VPS13B: variants seen among roughly 807,000 people sequenced by gnomAD.
VPS13B encodes the protein intermembrane lipid transfer protein VPS13B.
VPS13B carries 285 observed loss-of-function variants against 426.4 expected under a neutral mutation model. The ratio of observed to expected loss-of-function variants is 0.67; its 90% confidence interval spans 0.61 to 0.74. VPS13B has a LOEUF of 0.74. Among genes scored for constraint, VPS13B ranks in the 30% least tolerant of loss-of-function variants. VPS13B has a pLI of 0.00. For synonymous variants in VPS13B, 1,676 were observed against 1,676.4 expected (o/e 1.00, Z 0.01); for missense variants, 4,537 against 4,782.6 (o/e 0.95, Z 1.51).
At chr8:99,469,093 A>G (rs1331553268) in intron 24 of VPS13B, among the ~76,000 whole-genome samples, 3 of 152,080 alleles carry the variant, frequency 2.0e-5, no homozygotes, top group Non-Finnish European at 2.9e-5. Flanking sequence ...CAGCTTTATT[A>G]AAAGAACACT....
At chr8:99,734,243 T>C (rs779098202) in intron 39 of VPS13B, among the ~76,000 whole-genome samples, 15 of 152,216 alleles carry the variant, frequency 9.9e-5, no homozygotes, top group Admixed American at 2.0e-4. Context: ...TATATGGATA[T>C]ACCACATTTT....
chr8:99,391,500 C>A, intron 20 of VPS13B, 57 bp from the exon 21 acceptor site: 2 of 1,612,818 alleles, frequency 1.2e-6, no homozygotes, highest in Non-Finnish European at 1.7e-6. Context: ...ACCTTTGCTG[C>A]TTAAGAAATA....
At chr8:99,061,002 G>GTA (rs1844153578) in intron 3 of VPS13B, among the ~76,000 whole-genome samples, 1 of 152,152 alleles carries the variant, frequency 6.6e-6, no homozygotes, top group African/African-American at 2.4e-5. Flanking sequence ...AACCTTAATT[G>GTA]TAGTGTTCAG....
chr8:99,332,191 T>TA (rs1810579554), intron 19 of VPS13B, among the ~76,000 whole-genome samples: 1 of 151,686 alleles, frequency 6.6e-6, no homozygotes, highest in Admixed American at 6.6e-5. Context: ...GAACTCAGTG[T>TA]AAAGACTCAT....
At chr8:99,130,861 A>G (rs1203312507) in intron 8 of VPS13B, among the ~76,000 whole-genome samples, 1 of 152,212 alleles carries the variant, frequency 6.6e-6, no homozygotes, top group Admixed American at 6.5e-5. Context: ...AGGAGTCTAC[A>G]TTACATAAAA....
intron 33 of VPS13B, among the ~76,000 whole-genome samples, chr8:99,638,235 G>T (rs1212407516): frequency 1.3e-5 from 2 of 152,042 alleles, no homozygotes; most frequent in Admixed American, 6.6e-5. Context: ...AAACTAACAT[G>T]ATGTTTCCTC....
At chr8:99,113,893 G>C (rs1480537576) in intron 6 of VPS13B, among the ~76,000 whole-genome samples, 1 of 151,900 alleles carries the variant, frequency 6.6e-6, no homozygotes, top group African/African-American at 2.4e-5. Context: ...TTTCATGTAT[G>C]TTTATTTTGA....
intron 43 of VPS13B, among the ~76,000 whole-genome samples, chr8:99,798,322 A>G (rs1230892314): frequency 1.3e-5 from 2 of 152,012 alleles, no homozygotes; most frequent in Admixed American, 1.3e-4. Flanking sequence ...AGTAGAAGTA[A>G]ATGGGGTCCT....
chr8:99,810,876 C>T (rs1399842866), intron 44 of VPS13B, among the ~76,000 whole-genome samples: 5 of 152,022 alleles, frequency 3.3e-5, no homozygotes, highest in African/African-American at 7.3e-5. Flanking sequence ...ATAGCATAAA[C>T]GAAGAGACAA....
At chr8:99,773,406 A>G (rs1008320411) in intron 40 of VPS13B, among the ~76,000 whole-genome samples, 3 of 152,176 alleles carry the variant, frequency 2.0e-5, no homozygotes, top group Admixed American at 6.5e-5. Context: ...TAGAGAAGTG[A>G]CATTCAGAGC....
rs375237501 is a variant in VPS13B, at chr8:99,480,433, G to A, written c.3667-1166G>A. 1.3e-4 allele frequency among the ~76,000 whole-genome samples: 20 copies of A among 152,116 alleles called. No individual in the cohort carries two copies. The East Asian group carries it at 3.1e-3, about 24-fold the overall frequency. ...GAACCTGTTTTGGCTTTTTGTTATT[G>A]TTGTTTGCACTCTCTTTATTTATCA... On this transcript the variant is annotated intron_variant, in intron 24 of 61. Coordinates refer to ENST00000357162, the MANE Select transcript of VPS13B (RefSeq NM_152564.5).
intron 34 of VPS13B, among the ~76,000 whole-genome samples, chr8:99,643,290 A>G (rs1245420374): frequency 2.0e-5 from 3 of 152,198 alleles, no homozygotes; most frequent in Admixed American, 1.3e-4. Flanking sequence ...GGGCTCTAGC[A>G]AGCTCAGGAA....
chr8:99,624,324 C>T (rs1291360996), intron 33 of VPS13B, among the ~76,000 whole-genome samples: 1 of 152,064 alleles, frequency 6.6e-6, no homozygotes, highest in Non-Finnish European at 1.5e-5. Context: ...GTTTTTAGCA[C>T]TGGATTGTTT....
intron 33 of VPS13B, among the ~76,000 whole-genome samples, chr8:99,602,973 C>G (rs940032610): frequency 6.6e-6 from 1 of 152,092 alleles, no homozygotes; most frequent in African/African-American, 2.4e-5. Flanking sequence ...TTTATAGATT[C>G]AATGCTATCC....
chr8:99,640,784 T>C (rs1829328293), intron 33 of VPS13B, among the ~76,000 whole-genome samples: 1 of 152,178 alleles, frequency 6.6e-6, no homozygotes, highest in African/African-American at 2.4e-5. Context: ...ATGGTATCAT[T>C]ACAACCATAA....
chr8:99,038,686 T>G (rs1351599013), intron 3 of VPS13B, 120 bp downstream of exon 3: 1 of 769,660 alleles, frequency 1.3e-6, no homozygotes, highest in Non-Finnish European at 1.9e-6. Flanking sequence ...ATACTTTTTT[T>G]TTTTTTTTTT....
At position 99,717,173 on chromosome 8, in the gene VPS13B, A is replaced by G. The variant is rs771918634; in HGVS notation, c.6457A>G (p.Ile2153Val). The G allele has an allele frequency of 1.2e-6, 2 of 1,612,522 alleles. No homozygotes were observed. Among genetic ancestry groups the G allele is most frequent in the Non-Finnish European group, 8.5e-7 (1 of 1,178,952 alleles). ...ACTCTTCTGTATTTTTTTTTCAGGCATAATTCTTGGGTCATCATTTCTACT... is the reference window on the plus strand; with the variant it reads ...ACTCTTCTGTATTTTTTTTTCAGGCGTAATTCTTGGGTCATCATTTCTACT... ...SVKATQKVPGIILGSSFLLSI... is the reference protein window; with the variant it reads ...SVKATQKVPGVILGSSFLLSI... Residue 2153 changes from isoleucine (I) to valine (V), a missense_variant and splice_region_variant, in exon 37 of 62, where the codon ATA becomes GTA. This residue lies in a region of VPS13B where 4,311 missense variants were observed against 4,474.3 expected (regional missense o/e 0.96). Transcript: ENST00000357162.
Position 99,088,170 on chromosome 8 carries a change from T to G in VPS13B, c.292-8142T>G, listed in dbSNP as rs376962019. Among the ~76,000 whole-genome samples, 16 of 139,118 alleles carry G rather than the reference T, an allele frequency of 1.2e-4. No individual in the cohort carries two copies. The East Asian group carries it at 2.7e-3, about 23-fold the overall frequency. 91.3% of individuals were successfully genotyped at this position (139,118 alleles called of 152,430 possible). ...CTGTACTCCAGACTGAGTGACAGAGTGAGACCCTGTCTCAAAAAAAAAAAA... is the reference window on the plus strand; with the variant it reads ...CTGTACTCCAGACTGAGTGACAGAGGGAGACCCTGTCTCAAAAAAAAAAAA... On this transcript the variant is annotated intron_variant, in intron 3 of 61. Coordinates refer to ENST00000357162, the MANE Select transcript of VPS13B (RefSeq NM_152564.5).
At chr8:99,843,342 G>A (rs1161353715) in intron 54 of VPS13B, among the ~76,000 whole-genome samples, 1 of 151,978 alleles carries the variant, frequency 6.6e-6, no homozygotes, top group Non-Finnish European at 1.5e-5. Flanking sequence ...GGGTTATTCT[G>A]TGATAACAAA....
Sources: gnomAD v4.1 joint callset for allele counts (sites outside exome capture counted in the v4.1 genomes callset) on GRCh38, gnomAD v4.1.1 for gene constraint, gnomAD v4.1.1 regional missense constraint, MANE v1.5 for transcripts, NCBI Gene and HGNC (gene_info 2026-07-23, HGNC 2026-07-21) for gene names.